LYPD6B: variants seen among roughly 807,000 people sequenced by gnomAD.
LYPD6B encodes the protein ly6/PLAUR domain-containing protein 6B.
Under a neutral mutation model 22.8 loss-of-function variants are expected in LYPD6B, and 17 were observed. The observed-to-expected ratio is 0.75, with a 90% CI of 0.51 to 1.12. LYPD6B has a LOEUF of 1.12. Among genes scored for constraint, LYPD6B ranks in the 50% most tolerant of loss-of-function variants. LYPD6B has a pLI of 0.00. For missense variants in LYPD6B, 221 were observed against 258.3 expected, an observed-to-expected ratio of 0.86 and a Z score of 0.99; for synonymous variants, 106 against 91.6, an observed-to-expected ratio of 1.16 and a Z score of -0.90.
intron 3 of LYPD6B, among the ~76,000 whole-genome samples, chr2:149,183,863 G>GTA (rs34733336): frequency 0.31 from 46,666 of 148,522 alleles, 8,025 homozygotes; most frequent in East Asian, 0.55. Flanking sequence ...GTGTGTGTGT[G>GTA]TATATATATA....
At chr2:149,156,466 T>C (rs1318137770) in intron 2 of LYPD6B, among the ~76,000 whole-genome samples, 1 of 152,178 alleles carries the variant, frequency 6.6e-6, no homozygotes, top group Non-Finnish European at 1.5e-5. Context: ...ACAGATGATG[T>C]GGCTTAAACA....
intron 1 of LYPD6B, among the ~76,000 whole-genome samples, chr2:149,117,962 T>C (rs1465596152): frequency 6.6e-6 from 1 of 152,120 alleles, no homozygotes; most frequent in Non-Finnish European, 1.5e-5. Flanking sequence ...GGCTGGAGGA[T>C]TTATTTCTAA....
chr2:149,046,598 G>A (rs951988914), intron 1 of LYPD6B, among the ~76,000 whole-genome samples: 61 of 151,702 alleles, frequency 4.0e-4, no homozygotes, highest in African/African-American at 1.4e-3. Flanking sequence ...CTGTACCCTC[G>A]ACCTCCTGGT....
At chr2:149,211,143 G>T (rs986080845) in intron 5 of LYPD6B, among the ~76,000 whole-genome samples, 3 of 152,052 alleles carry the variant, frequency 2.0e-5, no homozygotes, top group Admixed American at 2.0e-4. Flanking sequence ...GATCTCATGA[G>T]AACTCACTAT....
intron 1 of LYPD6B, among the ~76,000 whole-genome samples, chr2:149,121,752 A>G (rs1687371940): frequency 6.6e-6 from 1 of 152,082 alleles, no homozygotes; most frequent in South Asian, 2.1e-4. Context: ...AGGGCTGTGG[A>G]AGGACACAGC....
rs770406412 is a variant in LYPD6B at position 149,130,922 on chromosome 2, A to G, written c.-27A>G. 5.0e-6 allele frequency: 8 copies of G among 1,595,712 alleles called. No individual in the cohort carries two copies. The highest frequency in any genetic ancestry group is 6.9e-6 in the Non-Finnish European group (8 of 1,163,570). ...TGCCTGCTGTTGGCAACCCTCCTGG[A>G]CTAGGCTGCTCTTGTTAATCACATG... On this transcript the variant is annotated 5_prime_UTR_variant, in exon 2 of 7. Coordinates refer to ENST00000409642, the MANE Select transcript of LYPD6B (RefSeq NM_177964.5).
chr2:149,153,878 A>G (rs1042609686), intron 2 of LYPD6B, among the ~76,000 whole-genome samples: 1 of 152,122 alleles, frequency 6.6e-6, no homozygotes, highest in African/African-American at 2.4e-5. Context: ...GAGGACAGAC[A>G]TGATAACTTT....
chr2:149,171,961 G>T (rs1355780581), intron 3 of LYPD6B, among the ~76,000 whole-genome samples: 2 of 132,994 alleles, frequency 1.5e-5, no homozygotes, highest in East Asian at 5.8e-4. Context: ...TGCCCTTTTG[G>T]CTCATTTCCT....
rs180831464 is a variant in LYPD6B, at chr2:149,109,963, G to A, written c.-66-20920G>A. 3.9e-4 allele frequency among the ~76,000 whole-genome samples: 60 copies of A among 152,112 alleles called. 1 individual carries two copies. In the East Asian group the frequency reaches 7.4e-3, roughly 19 times the overall value. Reference sequence around the variant, plus strand: ...TGACCTCAAGTTATACACCCATCTCGGCCTCCCAAAGTGCTGGGATTACAG... The same window carrying A: ...TGACCTCAAGTTATACACCCATCTCAGCCTCCCAAAGTGCTGGGATTACAG... On this transcript the variant is annotated intron_variant, in intron 1 of 6. Transcript: ENST00000409642.
intron 3 of LYPD6B, among the ~76,000 whole-genome samples, chr2:149,165,398 G>A (rs980623013): frequency 1.3e-5 from 2 of 152,090 alleles, no homozygotes; most frequent in Non-Finnish European, 2.9e-5. Flanking sequence ...TGTTATAAAA[G>A]CAATCTGAAA....
intron 3 of LYPD6B, among the ~76,000 whole-genome samples, chr2:149,166,522 T>C (rs1690433035): frequency 6.6e-6 from 1 of 152,056 alleles, no homozygotes; most frequent in Non-Finnish European, 1.5e-5. Context: ...CATATCTCAC[T>C]CTCCATTTAG....
At chr2:149,141,280 A>C (rs1182248438) in intron 2 of LYPD6B, among the ~76,000 whole-genome samples, 1 of 152,170 alleles carries the variant, frequency 6.6e-6, no homozygotes, top group African/African-American at 2.4e-5. Flanking sequence ...CATGCGTGCA[A>C]AGTCCTGAGG....
intron 3 of LYPD6B, among the ~76,000 whole-genome samples, chr2:149,165,663 G>A (rs998343834): frequency 6.6e-6 from 1 of 152,150 alleles, no homozygotes; most frequent in Non-Finnish European, 1.5e-5. Flanking sequence ...TAACTTATAG[G>A]TGAGAAAACT....
rs536468427 is a variant in LYPD6B, at chr2:149,069,640, T to C, written c.-67+30839T>C. ...TAAATTTGCCAAAGACTTTGAAGCATTGCCACATTAAAAAAAAGTCCCTGT... is the reference window on the plus strand; with the variant it reads ...TAAATTTGCCAAAGACTTTGAAGCACTGCCACATTAAAAAAAAGTCCCTGT... On this transcript the variant is annotated intron_variant, in intron 1 of 6. Coordinates refer to ENST00000409642, the MANE Select transcript of LYPD6B (RefSeq NM_177964.5). Among the ~76,000 whole-genome samples the C allele has an allele frequency of 2.7e-5, 4 of 147,800 alleles. No homozygotes were observed. The South Asian group carries it at 8.5e-4, about 31-fold the overall frequency.
intron 1 of LYPD6B, among the ~76,000 whole-genome samples, chr2:149,124,641 G>T (rs1198527515): frequency 2.0e-5 from 3 of 152,150 alleles, no homozygotes; most frequent in Admixed American, 6.5e-5. Context: ...CTCTAATGGA[G>T]TTCATCAGAA....
intron 1 of LYPD6B, among the ~76,000 whole-genome samples, chr2:149,097,219 G>A (rs1273649576): frequency 6.6e-6 from 1 of 152,248 alleles, no homozygotes; most frequent in East Asian, 1.9e-4. Flanking sequence ...CCTACTGGAA[G>A]TGCAGGGCAA....
At chr2:149,042,433 G>A (rs535647160) in intron 1 of LYPD6B, among the ~76,000 whole-genome samples, 13 of 152,230 alleles carry the variant, frequency 8.5e-5, no homozygotes, top group African/African-American at 3.1e-4. Context: ...CAAAGAAATT[G>A]GCAAAAAGAC....
chr2:149,059,130 G>T (rs1012019801), intron 1 of LYPD6B, among the ~76,000 whole-genome samples: 1 of 152,238 alleles, frequency 6.6e-6, no homozygotes, highest in South Asian at 2.1e-4. Flanking sequence ...CCTGTCAGCT[G>T]CACAGGATTC....
At chr2:149,054,485 G>A (rs1683698778) in intron 1 of LYPD6B, among the ~76,000 whole-genome samples, 1 of 152,012 alleles carries the variant, frequency 6.6e-6, no homozygotes, top group Non-Finnish European at 1.5e-5. Context: ...TACGTATTCT[G>A]GATAGTAGAC....
Sources: allele counts gnomAD v4.1 joint callset (sites outside exome capture counted in the v4.1 genomes callset), GRCh38; gene constraint gnomAD v4.1.1; transcripts MANE v1.5; gene names NCBI Gene and HGNC (gene_info 2026-07-23, HGNC 2026-07-21).